PROCR: variants seen among roughly 807,000 people sequenced by gnomAD.
PROCR encodes protein C receptor, also known as endothelial protein C receptor.
In PROCR, 22 loss-of-function variants were observed where a neutral mutation model predicts 24.2. The observed-to-expected ratio is 0.91, with a 90% confidence interval of 0.65 to 1.30. PROCR has a LOEUF of 1.30. Among genes scored for constraint, PROCR ranks in the 50% most tolerant of loss-of-function variants. The pLI, the probability that PROCR is intolerant of heterozygous loss-of-function variation, is 0.00. For missense variants in PROCR, 288 were observed against 307.7 expected, an observed-to-expected ratio of 0.94 and a Z score of 0.48; for synonymous variants, 137 against 139.2, an observed-to-expected ratio of 0.98 and a Z score of 0.11.
In PROCR at chr20:35,176,655, T is replaced by A. The variant is rs148966205; in HGVS notation, c.602-43T>A. ...GGGTTTGACTCAAATCATGGACTCC[T>A]TGGGGGCCTATTCTTCGGGCTAACT... is the stretch of plus-strand genomic sequence containing the variant. On this transcript the variant is annotated intron_variant, in intron 3 of 3. Coordinates refer to ENST00000216968, the MANE Select transcript of PROCR (RefSeq NM_006404.5). The A allele has an allele frequency of 1.2e-3, 1,932 of 1,578,056 alleles. 22 individuals carry two copies. In the African/African-American group the frequency reaches 0.021, roughly 17 times the overall value.
At position 35,174,634 on chromosome 20, in the gene PROCR, GTTA is replaced by G. The variant is rs1277796532; in HGVS notation, c.71-63_71-61del. The G allele has an allele frequency of 3.6e-5, 58 of 1,601,298 alleles. 1 individual carries two copies. In the Admixed American group the frequency reaches 8.7e-4, roughly 24 times the overall value. ...CGGGCGGCCAGCCTCGAGGTAGGGG[GTTA>G]TTATCTTCCGCTGCCCGCCGCCCCC... On this transcript the variant is annotated intron_variant, in intron 1 of 3. Coordinates refer to ENST00000216968, the MANE Select transcript of PROCR (RefSeq NM_006404.5).
downstream of PROCR, among the ~76,000 whole-genome samples, chr20:35,179,127 G>A (rs943917709): frequency 1.3e-5 from 2 of 150,684 alleles, no homozygotes; most frequent in Non-Finnish European, 3.0e-5. Context: ...CAGCTCCTCG[G>A]GAGGCTGAGG....
intron 1 of PROCR, among the ~76,000 whole-genome samples, chr20:35,214,618 G>C (rs1329813154): frequency 7.9e-5 from 12 of 151,360 alleles, no homozygotes; most frequent in Admixed American, 4.6e-4. Flanking sequence ...GAACCCAGGA[G>C]GTGGAGGTTG....
intron 1 of PROCR, among the ~76,000 whole-genome samples, chr20:35,210,715 A>ATT (rs534620031): frequency 5.1e-5 from 7 of 136,166 alleles, no homozygotes; most frequent in African/African-American, 5.4e-5. Context: ...TCTTTTTTCC[A>ATT]TTTTTTTTTT....
downstream of PROCR, among the ~76,000 whole-genome samples, chr20:35,178,892 A>C (rs533222762): frequency 1.3e-5 from 2 of 151,596 alleles, no homozygotes; most frequent in South Asian, 4.2e-4. Context: ...TACCCAATTC[A>C]TAAAGGCATG....
chr20:35,172,076 C>T lies in PROCR; in HGVS notation c.-79C>T, dbSNP rs2085955992. On this transcript the variant is annotated 5_prime_UTR_variant, in exon 1 of 4. Transcript: ENST00000216968. ...CGCCCCTCCCAGACGGTCCTCACTTCTCTTTTCCCTAGACTGCAGCCAGCG... is the reference window on the plus strand; with the variant it reads ...CGCCCCTCCCAGACGGTCCTCACTTTTCTTTTCCCTAGACTGCAGCCAGCG... 2.3e-5 allele frequency: 33 copies of T among 1,407,854 alleles called. No homozygotes were observed. The South Asian group carries it at 3.8e-4, about 16-fold the overall frequency. The allele number at this position is 1,407,854 out of a possible 1,614,324, so 87.2% of individuals were successfully genotyped here.
chr20:35,171,472 A>G (rs970053112), upstream of PROCR, among the ~76,000 whole-genome samples: 8 of 152,108 alleles, frequency 5.3e-5, no homozygotes, highest in Admixed American at 6.6e-5. Flanking sequence ...TAGGTAACCA[A>G]TCATCTTCTG....
chr20:35,196,856 T>C (rs1247185493), intron 1 of PROCR, among the ~76,000 whole-genome samples: 6 of 152,204 alleles, frequency 3.9e-5, no homozygotes, highest in Non-Finnish European at 7.3e-5. Context: ...TTTATGATCA[T>C]TGAAAGAAAA....
At chr20:35,207,344 A>C (rs1444567771) in intron 1 of PROCR, among the ~76,000 whole-genome samples, 1 of 151,758 alleles carries the variant, frequency 6.6e-6, no homozygotes, top group East Asian at 1.9e-4. Flanking sequence ...ACTGAATGTA[A>C]ATTACAATTA....
upstream of PROCR, among the ~76,000 whole-genome samples, chr20:35,171,099 C>T (rs1325338435): frequency 6.6e-6 from 1 of 152,024 alleles, no homozygotes; most frequent in Non-Finnish European, 1.5e-5. Flanking sequence ...GAGACGTTCG[C>T]CATATTGGCC....
At position 35,174,852 on chromosome 20, in the gene PROCR, A is replaced by G. The variant is rs766660257; in HGVS notation, c.221A>G (p.Gln74Arg). The G allele has an allele frequency of 3.1e-6, 5 of 1,613,844 alleles. No individual in the cohort carries two copies. In the African/African-American group the frequency reaches 5.3e-5, roughly 17 times the overall value. Residue 74 changes from glutamine (Q) to arginine (R), a missense_variant, in exon 2 of 4, where the codon CAG becomes CGG. Transcript: ENST00000216968. ...ACGATCATTCAGCTGCAGCCCTTGC[A>G]GGAGCCCGAGAGCTGGGCGCGCACG... is the stretch of plus-strand genomic sequence containing the variant. ...NTTIIQLQPL[Q>R]EPESWARTQS... is the part of the protein sequence containing the mutation.
intron 1 of PROCR, among the ~76,000 whole-genome samples, chr20:35,211,575 A>C (rs2060362793): frequency 6.6e-6 from 1 of 151,796 alleles, no homozygotes; most frequent in South Asian, 2.1e-4. Context: ...AAATACATCC[A>C]CTCCAGCTGA....
At position 35,175,014 on chromosome 20, in the gene PROCR, G is replaced by GAT; in HGVS notation, c.322+61_322+62insAT. Reference sequence around the variant, plus strand: ...GGGCTAGTGGGGGCGGGGCCTGGCGGGTGGGGGCGGGGCCTGGCGGATGGA... The same window carrying GAT: ...GGGCTAGTGGGGGCGGGGCCTGGCGGATGTGGGGGCGGGGCCTGGCGGATGGA... On this transcript the variant is annotated intron_variant, in intron 2 of 3. Transcript: ENST00000216968. 3.2e-6 allele frequency: 4 copies of GAT among 1,252,416 alleles called. No homozygotes were observed. In the African/African-American group the frequency reaches 6.3e-5, roughly 20 times the overall value. 77.6% of individuals were successfully genotyped at this position (1,252,416 alleles called of 1,614,324 possible). A position where few individuals can be genotyped will look rare whatever the true frequency, so the allele number is the denominator to read the frequency against.
At position 35,176,447 on chromosome 20, in the gene PROCR, G is replaced by T. The variant is rs140862373; in HGVS notation, c.601+1G>T. 7.4e-6 allele frequency: 12 copies of T among 1,613,534 alleles called. No homozygotes were observed. In the African/African-American group the frequency reaches 1.6e-4, roughly 22 times the overall value. On this transcript the variant is annotated splice_donor_variant, in intron 3 of 3. Transcript: ENST00000216968. LOFTEE classifies it high-confidence loss of function. ...CATATTTCCGCGGAAAACACGAAAG[G>T]TATGATGGGACGGGGCCCAGGCCTG...
At chr20:35,209,385 C>T (rs1242447218) in intron 1 of PROCR, among the ~76,000 whole-genome samples, 5 of 151,978 alleles carry the variant, frequency 3.3e-5, no homozygotes, top group African/African-American at 9.7e-5. Context: ...TTTTGCAGTT[C>T]GGGAATCCCA....
At chr20:35,192,320 C>T (rs1404545476) in intron 1 of PROCR, among the ~76,000 whole-genome samples, 4 of 152,144 alleles carry the variant, frequency 2.6e-5, no homozygotes, top group African/African-American at 4.8e-5. Flanking sequence ...AAGGGCGGCT[C>T]GACAGTCAAC....
intron 1 of PROCR, among the ~76,000 whole-genome samples, chr20:35,182,640 CAA>C (rs2086087259): frequency 6.6e-6 from 1 of 152,084 alleles, no homozygotes; most frequent in Non-Finnish European, 1.5e-5. Flanking sequence ...CAACACAAGG[CAA>C]GATGCATTGT....
intron 1 of PROCR, among the ~76,000 whole-genome samples, chr20:35,208,639 G>C (rs17092457): frequency 0.042 from 6,335 of 152,248 alleles, 460 homozygotes; most frequent in African/African-American, 0.14. Flanking sequence ...CACAACACTG[G>C]AAAGACTACG....
At chr20:35,181,159 C>T (rs761439908), downstream of PROCR, among the ~76,000 whole-genome samples, 3 of 151,784 alleles carry the variant, frequency 2.0e-5, no homozygotes, top group Non-Finnish European at 2.9e-5. Context: ...TGAGCCACCA[C>T]GCCTGGACTG....
Sources: gnomAD v4.1 joint callset for allele counts (sites outside exome capture counted in the v4.1 genomes callset) on GRCh38, gnomAD v4.1.1 for gene constraint, MANE v1.5 for transcripts, NCBI Gene and HGNC (gene_info 2026-07-23, HGNC 2026-07-21) for gene names.